INSL6: variants seen among roughly 807,000 people sequenced by gnomAD.
INSL6 encodes the protein insulin like 6, also known as insulin-like peptide INSL6.
In INSL6, 16 loss-of-function variants were observed where a neutral mutation model predicts 9.4. The ratio of observed to expected loss-of-function variants is 1.70; its 90% CI spans 1.15 to 2.59. The LOEUF is 2.59. Among genes scored for constraint, INSL6 ranks in the 30% most tolerant of loss-of-function variants. The probability of loss-of-function intolerance (pLI) is 0.00; values close to 1 mark genes in which losing one functional copy is unlikely to be tolerated. For synonymous variants in INSL6, 154 were observed against 96.9 expected, an observed-to-expected ratio of 1.59 and a Z score of -3.46; for missense variants, 391 against 257.3, an observed-to-expected ratio of 1.52 and a Z score of -3.56.
the INSL6 span, among the ~76,000 whole-genome samples, chr9:5,060,900 A>G: frequency 2.6e-5 from 4 of 152,234 alleles, no homozygotes; most frequent in African/African-American, 9.6e-5. Flanking sequence ...GAAAGTTGAA[A>G]TTACTCCTTG....
At chr9:5,183,774 GA>G (rs368352633) in intron 1 of INSL6, among the ~76,000 whole-genome samples, 172 of 146,100 alleles carry the variant, frequency 1.2e-3, no homozygotes, top group Admixed American at 2.2e-3. Flanking sequence ...GAGTTTAAAA[GA>G]AAAAAAAAAG....
the INSL6 span, chr9:5,109,082 A>C: frequency 1.3e-5 from 2 of 152,082 alleles, no homozygotes; most frequent in Admixed American, 6.5e-5. Flanking sequence ...CATTCTCCTG[A>C]TCAAACATCA....
the INSL6 span, among the ~76,000 whole-genome samples, chr9:5,031,179 C>G: frequency 6.6e-6 from 1 of 152,066 alleles, no homozygotes; most frequent in Admixed American, 6.6e-5. Context: ...AATCAAAATC[C>G]TAACAAAGGC....
chr9:5,149,874 A>G (rs1824677891), intron 2 of INSL6, among the ~76,000 whole-genome samples: 1 of 152,210 alleles, frequency 6.6e-6, no homozygotes, highest in South Asian at 2.1e-4. Context: ...AACCAAAGCA[A>G]CAGGCTACTC....
At chr9:5,010,386 A>G in the INSL6 span, among the ~76,000 whole-genome samples, 5 of 150,544 alleles carry the variant, frequency 3.3e-5, no homozygotes, top group Non-Finnish European at 7.4e-5. Context: ...TGCAGTAAAC[A>G]TGACCTCCGT....
At chr9:5,055,748 G>A in the INSL6 span, 1 of 1,610,906 alleles carries the variant, frequency 6.2e-7, no homozygotes, top group South Asian at 1.1e-5. Context: ...TCAAATGAAA[G>A]CCGAGTTGTA....
chr9:5,111,424 G>A, the INSL6 span: 2 of 398,602 alleles, frequency 5.0e-6, no homozygotes, highest in Admixed American at 3.3e-5. Context: ...AGCCCACGAA[G>A]GTCGGGAAGG....
At chr9:5,086,851 A>T in the INSL6 span, among the ~76,000 whole-genome samples, 3 of 152,200 alleles carry the variant, frequency 2.0e-5, no homozygotes, top group Admixed American at 1.3e-4. Flanking sequence ...AGAGCTTCTC[A>T]TAGAGCAGTT....
chr9:5,052,750 G>C, the INSL6 span, among the ~76,000 whole-genome samples: 1 of 151,990 alleles, frequency 6.6e-6, no homozygotes, highest in South Asian at 2.1e-4. Context: ...AATGTGGTGT[G>C]GCATTTTTTT....
chr9:5,022,091 T>C, the INSL6 span: 85 of 1,613,656 alleles, frequency 5.3e-5, no homozygotes, highest in Non-Finnish European at 6.8e-5. Context: ...ATGAAGCAAA[T>C]AGATCCAGTT....
At chr9:5,100,736 T>G in the INSL6 span, 1 of 152,382 alleles carries the variant, frequency 6.6e-6, no homozygotes, top group East Asian at 1.9e-4. Flanking sequence ...CCATCACGAT[T>G]ACCTTAGGTA....
the INSL6 span, chr9:5,110,609 G>A: frequency 5.3e-6 from 1 of 188,142 alleles, no homozygotes; most frequent in Non-Finnish European, 1.1e-5. Flanking sequence ...TTACAGATAT[G>A]CCTTTCTTCA....
chr9:5,108,018 A>G, the INSL6 span: 1 of 152,092 alleles, frequency 6.6e-6, no homozygotes, highest in Non-Finnish European at 1.5e-5. Flanking sequence ...TCCACAGCCT[A>G]CTTATCAGCC....
chr9:5,091,996 G>A, the INSL6 span, among the ~76,000 whole-genome samples: 441 of 152,170 alleles, frequency 2.9e-3, no homozygotes, highest in African/African-American at 0.01. Flanking sequence ...AGATACTGCC[G>A]ATTGCTAGGT....
intron 2 of INSL6, among the ~76,000 whole-genome samples, chr9:5,135,037 T>C (rs1824365821): frequency 6.6e-6 from 1 of 152,136 alleles, no homozygotes; most frequent in Non-Finnish European, 1.5e-5. Context: ...GTTGCAATCC[T>C]AGTCTCTGAT....
At chr9:5,002,459 T>G in the INSL6 span, among the ~76,000 whole-genome samples, 1 of 152,016 alleles carries the variant, frequency 6.6e-6, no homozygotes, top group Admixed American at 6.5e-5. Context: ...TTTTGATATT[T>G]ATTTCTAATT....
chr9:5,086,117 C>T, the INSL6 span: 3 of 445,190 alleles, frequency 6.7e-6, no homozygotes, highest in South Asian at 7.7e-5. Flanking sequence ...CGGGCATCGG[C>T]AGCGGCGCGC....
chr9:5,002,265 A>G, the INSL6 span, among the ~76,000 whole-genome samples: 2 of 151,664 alleles, frequency 1.3e-5, no homozygotes, highest in African/African-American at 2.4e-5. Flanking sequence ...CTTCTTTTCC[A>G]TCATAAGCAT....
intron 3 of INSL6, chr9:5,126,226 C>A: frequency 1.5e-6 from 1 of 679,720 alleles, no homozygotes. Flanking sequence ...TGAAAACATA[C>A]AAAAGCACAC....
Sources: allele counts gnomAD v4.1 joint callset (sites outside exome capture counted in the v4.1 genomes callset), GRCh38; gene constraint gnomAD v4.1.1; transcripts MANE v1.5; gene names NCBI Gene and HGNC (gene_info 2026-07-23, HGNC 2026-07-21).